The following NAA50 variants were observed in gnomAD, a reference collection of about 807,000 sequenced individuals.
The protein encoded by NAA50 is N-alpha-acetyltransferase 50.
NAA50 carries 7 observed loss-of-function variants against 20.7 expected under a neutral mutation model. The ratio of observed to expected loss-of-function variants is 0.34; its 90% confidence interval spans 0.19 to 0.63. The LOEUF is 0.63. Among genes scored for constraint, NAA50 ranks in the 30% least tolerant of loss-of-function variants. The pLI is 0.75. For missense variants in NAA50, 111 were observed against 199.1 expected (o/e 0.56, Z 2.66); for synonymous variants, 54 against 70.6 (o/e 0.77, Z 1.18).
At chr3:113,741,445 A>G (rs533126127) in intron 1 of NAA50, among the ~76,000 whole-genome samples, 2 of 150,998 alleles carry the variant, frequency 1.3e-5, no homozygotes, top group East Asian at 2.0e-4. Context: ...TACTACTGGT[A>G]TTCTATTGGT....
intron 2 of NAA50, 35 bp downstream of exon 2, chr3:113,723,924 A>G: frequency 6.6e-7 from 1 of 1,519,642 alleles, no homozygotes; most frequent in Non-Finnish European, 8.8e-7. Flanking sequence ...AAAAGAAAGA[A>G]AAGAAGGGAG....
rs1212597839 is a variant in NAA50, at chr3:113,717,391, C to T, written c.*4369G>A. 6.6e-6 allele frequency: 1 copy of T among 152,152 alleles called. No individual in the cohort carries two copies. The allele number at this position is 152,152 out of a possible 1,614,324, so 9.4% of individuals were successfully genotyped here. ...ATCAAGTATCTTAAATTTTGGAGAA[C>T]TGAAAAGGTTGAGAATTTCTGCCCC... On this transcript the variant is annotated 3_prime_UTR_variant, in exon 5 of 5. Transcript: ENST00000240922.
At chr3:113,742,348 A>AACTCC (rs1029259046) in intron 1 of NAA50, among the ~76,000 whole-genome samples, 2 of 152,034 alleles carry the variant, frequency 1.3e-5, no homozygotes, top group African/African-American at 4.8e-5. Flanking sequence ...TGCAGCCTTG[A>AACTCC]ACTCCTGGGC....
intron 1 of NAA50, among the ~76,000 whole-genome samples, chr3:113,740,638 A>G (rs567805468): frequency 6.6e-6 from 1 of 152,342 alleles, no homozygotes; most frequent in African/African-American, 2.4e-5. Context: ...GGCTTCCCAA[A>G]GTGTCGGGAT....
In NAA50 at chr3:113,718,348, G is replaced by T. The variant is rs1708088718; in HGVS notation, c.*3412C>A. 6.6e-6 allele frequency: 1 copy of T among 152,206 alleles called. No homozygotes were observed. The highest frequency in any genetic ancestry group is 2.4e-5 in the African/African-American group (1 of 41,436). 9.4% of individuals were successfully genotyped at this position (152,206 alleles called of 1,614,324 possible). On this transcript the variant is annotated 3_prime_UTR_variant, in exon 5 of 5. Coordinates refer to ENST00000240922, the MANE Select transcript of NAA50 (RefSeq NM_025146.4). ...TGCAACCTTCTGAGATCTCAAGACAGAACCACCCAGTTAAGCAGCTCCTAG... is the reference window on the plus strand; with the variant it reads ...TGCAACCTTCTGAGATCTCAAGACATAACCACCCAGTTAAGCAGCTCCTAG...
intron 1 of NAA50, among the ~76,000 whole-genome samples, chr3:113,734,094 C>T (rs565036656): frequency 6.6e-6 from 1 of 152,070 alleles, no homozygotes; most frequent in Non-Finnish European, 1.5e-5. Context: ...AAGATTTCCA[C>T]ACATACACCA....
At chr3:113,724,368 T>C (rs979925760) in intron 1 of NAA50, among the ~76,000 whole-genome samples, 1 of 152,202 alleles carries the variant, frequency 6.6e-6, no homozygotes, top group African/African-American at 2.4e-5. Flanking sequence ...AGTGTCAAAA[T>C]TTTCCTTGTA....
intron 1 of NAA50, among the ~76,000 whole-genome samples, chr3:113,729,546 CTT>C (rs564619731): frequency 8.5e-5 from 8 of 94,430 alleles, no homozygotes; most frequent in Non-Finnish European, 9.8e-5. Context: ...TTCTTTCTTT[CTT>C]TTTTTTTTTT....
At chr3:113,736,797 A>G (rs9826808) in intron 1 of NAA50, among the ~76,000 whole-genome samples, 50,460 of 152,018 alleles carry the variant, frequency 0.33, 8,544 homozygotes, top group East Asian at 0.36. Context: ...CTATTGGGAC[A>G]ACAGGCACCA....
chr3:113,735,219 G>A (rs891935766), intron 1 of NAA50, among the ~76,000 whole-genome samples: 3 of 152,132 alleles, frequency 2.0e-5, no homozygotes, highest in Admixed American at 2.0e-4. Flanking sequence ...AGAGAAGGGA[G>A]GAAAAAACCT....
intron 2 of NAA50, 108 bp from the exon 3 acceptor site, chr3:113,723,649 A>T: frequency 7.9e-7 from 1 of 1,258,536 alleles, no homozygotes; most frequent in Non-Finnish European, 1.1e-6. Flanking sequence ...AATTTCATCA[A>T]CTATTTCATG....
chr3:113,741,573 G>C (rs1279244194), intron 1 of NAA50, among the ~76,000 whole-genome samples: 1 of 152,194 alleles, frequency 6.6e-6, no homozygotes, highest in Admixed American at 6.5e-5. Flanking sequence ...GAAAAAATTA[G>C]GAGTCCCAGT....
rs1708050930 is a variant in NAA50, at chr3:113,716,523, A to G, written c.*5237T>C. 1 of 152,224 alleles carries G rather than the reference A, an allele frequency of 6.6e-6. No homozygotes were observed. Among genetic ancestry groups the G allele is most frequent in the African/African-American group, 2.4e-5 (1 of 41,450 alleles). The allele number at this position is 152,224 out of a possible 1,614,324, so 9.4% of individuals were successfully genotyped here. ...TGGCTAGTGACAAGGAGAATTCAAG[A>G]TTGTTCAAATCTTTACAGAAGATTT... On this transcript the variant is annotated 3_prime_UTR_variant, in exon 5 of 5. Coordinates refer to ENST00000240922, the MANE Select transcript of NAA50 (RefSeq NM_025146.4).
In NAA50 at chr3:113,720,435, C is replaced by A. The variant is rs1456818199; in HGVS notation, c.*1325G>T. The A allele has an allele frequency of 6.6e-6, 1 of 152,618 alleles. No homozygotes were observed. Among genetic ancestry groups the A allele is most frequent in the East Asian group, 1.9e-4 (1 of 5,198 alleles). 9.5% of individuals were successfully genotyped at this position (152,618 alleles called of 1,614,324 possible). A position where few individuals can be genotyped will look rare whatever the true frequency, so the allele number is the denominator to read the frequency against. ...CATGAATATTTCAGATGTCTCCCAT[C>A]TTACAAAGTTATCAATCTGTCAAAG... On this transcript the variant is annotated 3_prime_UTR_variant, in exon 5 of 5. Transcript: ENST00000240922.
rs543075671 is a variant in NAA50 at position 113,728,638 on chromosome 3, C to T, written c.9-4543G>A. Among the ~76,000 whole-genome samples, 18 of 152,266 alleles carry T rather than the reference C, an allele frequency of 1.2e-4. No individual in the cohort carries two copies. In the Middle Eastern group the frequency reaches 0.01, roughly 86 times the overall value. On this transcript the variant is annotated intron_variant, in intron 1 of 4. Coordinates refer to ENST00000240922, the MANE Select transcript of NAA50 (RefSeq NM_025146.4). ...AGCTGAAAAAGAACCAATTTTATGA[C>T]GGCCTCGTATATGGACGCATTTGGT...
intron 4 of NAA50, 91 bp downstream of exon 4, chr3:113,722,815 C>A (rs1017354880): frequency 1.2e-4 from 172 of 1,391,538 alleles, no homozygotes; most frequent in Non-Finnish European, 1.5e-4. Context: ...TCCAAAGGCA[C>A]AATAAGTGAC....
Position 113,723,436 on chromosome 3 carries a change from C to T in NAA50, c.251G>A (p.Arg84Gln), listed in dbSNP as rs763096981. 28 of 1,609,396 alleles carry T rather than the reference C, an allele frequency of 1.7e-5. No individual in the cohort carries two copies. The highest frequency in any genetic ancestry group is 2.2e-5 in the East Asian group (1 of 44,766). ...IMTLGCLAPYRRLGIGTKMLN... is the reference protein window; with the variant it reads ...IMTLGCLAPYQRLGIGTKMLN... ...CAATTTTTTACCTATTCCTAGCCTT[C>T]GGTAAGGTGCCAGACATCCTAGTGT... The change falls in exon 3 of 5, where the codon CGA becomes CAA. Residue 84 changes from arginine to glutamine, a missense_variant. Arg to Gln is a conservative substitution (Grantham distance 43, BLOSUM62 1). Transcript: ENST00000240922.
intron 1 of NAA50, among the ~76,000 whole-genome samples, chr3:113,726,531 G>A (rs145660105): frequency 0.013 from 2,011 of 151,662 alleles, 41 homozygotes; most frequent in African/African-American, 0.046. Context: ...AGATCATAAG[G>A]TCAAGAGTTT....
At chr3:113,731,199 G>C (rs9865435) in intron 1 of NAA50, among the ~76,000 whole-genome samples, 50,710 of 151,922 alleles carry the variant, frequency 0.33, 8,611 homozygotes, top group East Asian at 0.36. Context: ...TTTTTCTTGA[G>C]TTTTGGGTGT....
Sources: allele counts gnomAD v4.1 joint callset (sites outside exome capture counted in the v4.1 genomes callset), GRCh38; gene constraint gnomAD v4.1.1; transcripts MANE v1.5; gene names NCBI Gene and HGNC (gene_info 2026-07-23, HGNC 2026-07-21).